The following DDX10 variants were observed in gnomAD, a reference collection of about 807,000 sequenced individuals.
The protein encoded by DDX10 is DEAD-box helicase 10, also known as probable ATP-dependent RNA helicase DDX10.
In DDX10, 74 loss-of-function variants were observed where a neutral mutation model predicts 104.3. The ratio of observed to expected loss-of-function variants is 0.71; its 90% CI spans 0.59 to 0.86. The LOEUF is 0.86. DDX10 is among the 40% of genes least tolerant of loss of function. DDX10 has a pLI of 0.00. For synonymous variants in DDX10, 351 were observed against 353.4 expected, an observed-to-expected ratio of 0.99 and a Z score of 0.08; for missense variants, 952 against 1,040.0, an observed-to-expected ratio of 0.92 and a Z score of 1.16.
intron 10 of DDX10, among the ~76,000 whole-genome samples, chr11:108,709,457 A>AT (rs1399813641): frequency 6.6e-6 from 1 of 152,182 alleles, no homozygotes; most frequent in South Asian, 2.1e-4. Flanking sequence ...TATTGATTCA[A>AT]TTTTTTTAAT....
At chr11:108,718,617 G>A (rs180965016) in intron 11 of DDX10, among the ~76,000 whole-genome samples, 3 of 152,164 alleles carry the variant, frequency 2.0e-5, no homozygotes, top group African/African-American at 4.8e-5. Flanking sequence ...TGCATACAAC[G>A]GATGAGCCTT....
At chr11:108,864,675 G>A (rs192544325) in intron 16 of DDX10, among the ~76,000 whole-genome samples, 2 of 152,060 alleles carry the variant, frequency 1.3e-5, no homozygotes, top group East Asian at 1.9e-4. Context: ...GCCCAGGCTG[G>A]TCTCGAACTC....
intron 16 of DDX10, among the ~76,000 whole-genome samples, chr11:108,906,754 C>T (rs1480548668): frequency 1.3e-5 from 2 of 152,058 alleles, no homozygotes; most frequent in African/African-American, 4.8e-5. Context: ...TTTAATAGGG[C>T]GTTATGAAAT....
At chr11:108,819,896 A>C (rs1433652648) in intron 13 of DDX10, among the ~76,000 whole-genome samples, 1 of 152,150 alleles carries the variant, frequency 6.6e-6, no homozygotes, top group Non-Finnish European at 1.5e-5. Context: ...CACCGCGCCC[A>C]GCCCCATACG....
At chr11:108,936,567 A>G (rs956786576) in intron 17 of DDX10, among the ~76,000 whole-genome samples, 9 of 152,212 alleles carry the variant, frequency 5.9e-5, no homozygotes, top group African/African-American at 9.6e-5. Context: ...AAACTTACAT[A>G]TAGACTTTTT....
chr11:108,858,351 G>T (rs1454879555), intron 16 of DDX10, among the ~76,000 whole-genome samples: 1 of 152,048 alleles, frequency 6.6e-6, no homozygotes, highest in Non-Finnish European at 1.5e-5. Flanking sequence ...CAGCAGCTGA[G>T]TTTTTTTCAT....
At chr11:108,882,589 A>G (rs2553760) in intron 16 of DDX10, among the ~76,000 whole-genome samples, 115,143 of 152,074 alleles carry the variant, frequency 0.76, 43,935 homozygotes, top group Admixed American at 0.8. Flanking sequence ...TTAATCCTCT[A>G]TTGTGTAGAT....
At position 108,736,039 on chromosome 11, in the gene DDX10, C is replaced by T. The variant is rs116142737; in HGVS notation, c.1965+12577C>T. Among the ~76,000 whole-genome samples, 1,337 of 152,138 alleles carry T rather than the reference C, an allele frequency of 8.8e-3. 22 individuals are homozygous for T. The highest frequency in any genetic ancestry group is 0.03 in the African/African-American group (1,225 of 41,502). ...GTCTTTAGGACAGTGTTTCTCAAGC[C>T]GTCTTTGCTGAAGGGTTAATGTTGT... On this transcript the variant is annotated intron_variant, in intron 13 of 17. Transcript: ENST00000322536.
At chr11:108,667,404 C>G (rs1334811798) in intron 1 of DDX10, among the ~76,000 whole-genome samples, 1 of 152,162 alleles carries the variant, frequency 6.6e-6, no homozygotes, top group East Asian at 1.9e-4. Flanking sequence ...CCTTGGCTCA[C>G]AGTTACTTTT....
chr11:108,768,670 T>C (rs1221093353), intron 13 of DDX10, among the ~76,000 whole-genome samples: 2 of 152,244 alleles, frequency 1.3e-5, no homozygotes, highest in African/African-American at 4.8e-5. Flanking sequence ...TTCTACCTCA[T>C]GTACAATTTA....
At chr11:108,756,153 A>G (rs1305209842) in intron 13 of DDX10, among the ~76,000 whole-genome samples, 1 of 152,052 alleles carries the variant, frequency 6.6e-6, no homozygotes, top group African/African-American at 2.4e-5. Context: ...TTGAAACCAT[A>G]GGAATGTTAG....
At chr11:108,852,118 A>G (rs1413037355) in intron 15 of DDX10, 35 bp from the exon 16 acceptor site, 2 of 1,537,446 alleles carry the variant, frequency 1.3e-6, no homozygotes, top group South Asian at 1.2e-5. Flanking sequence ...ACCTAATTAT[A>G]TGCTGCTAAT....
chr11:108,825,292 A>G (rs1042507133), intron 13 of DDX10, among the ~76,000 whole-genome samples: 1 of 152,140 alleles, frequency 6.6e-6, no homozygotes, highest in Non-Finnish European at 1.5e-5. Flanking sequence ...GTGGAGGGGA[A>G]TAGAAACTGT....
At chr11:108,820,992 G>A (rs1179128187) in intron 13 of DDX10, among the ~76,000 whole-genome samples, 1 of 152,174 alleles carries the variant, frequency 6.6e-6, no homozygotes, top group African/African-American at 2.4e-5. Flanking sequence ...ATTAGCCCAA[G>A]CTCAACTTAG....
rs1337571042 is a variant in DDX10 at position 108,938,866 on chromosome 11, T to C, written c.2451-1380T>C. On this transcript the variant is annotated intron_variant, in intron 17 of 17. Transcript: ENST00000322536. ...TGCTGATGAGGCACATTCACTTTGATATCCAGGCTGTCTTCTTAAAGAGTA... is the reference window on the plus strand; with the variant it reads ...TGCTGATGAGGCACATTCACTTTGACATCCAGGCTGTCTTCTTAAAGAGTA... Among the ~76,000 whole-genome samples, 3 of 152,334 alleles carry C rather than the reference T, an allele frequency of 2.0e-5. No homozygotes were observed. The East Asian group carries it at 5.8e-4, about 29-fold the overall frequency.
At position 108,813,420 on chromosome 11, in the gene DDX10, G is replaced by A. The variant is rs140935386; in HGVS notation, c.1966-25026G>A. On this transcript the variant is annotated intron_variant, in intron 13 of 17. Coordinates refer to ENST00000322536, the MANE Select transcript of DDX10 (RefSeq NM_004398.4). ...CTGGGAACTGTCCAATTGGGCTGAT[G>A]ATCTTAATTTTCTTACTCTTTTTAT... Among the ~76,000 whole-genome samples the A allele has an allele frequency of 1.7e-3, 254 of 152,226 alleles. 5 individuals are homozygous for A. In the East Asian group the frequency reaches 0.035, roughly 21 times the overall value.
At chr11:108,783,944 G>A (rs1001886161) in intron 13 of DDX10, among the ~76,000 whole-genome samples, 2 of 152,062 alleles carry the variant, frequency 1.3e-5, no homozygotes, top group Admixed American at 6.6e-5. Context: ...GCATAAATTC[G>A]CTTAGGATAA....
intron 13 of DDX10, among the ~76,000 whole-genome samples, chr11:108,822,906 T>G (rs188701371): frequency 6.6e-6 from 1 of 152,342 alleles, no homozygotes; most frequent in Non-Finnish European, 1.5e-5. Flanking sequence ...GCTTCTCGGC[T>G]ATTTGGCTAA....
intron 16 of DDX10, among the ~76,000 whole-genome samples, chr11:108,898,639 C>G (rs1863471769): frequency 6.6e-6 from 1 of 150,996 alleles, no homozygotes; most frequent in African/African-American, 2.4e-5. Context: ...ATAATTTTCT[C>G]CCATTAATCA....
Sources: gnomAD v4.1 joint callset for allele counts (sites outside exome capture counted in the v4.1 genomes callset) on GRCh38, gnomAD v4.1.1 for gene constraint, MANE v1.5 for transcripts, NCBI Gene and HGNC (gene_info 2026-07-23, HGNC 2026-07-21) for gene names.